LRFN5: variants seen among roughly 807,000 people sequenced by gnomAD.
LRFN5 encodes leucine-rich repeat and fibronectin type-III domain-containing protein 5.
Under a neutral mutation model 45.6 loss-of-function variants are expected in LRFN5, and 24 were observed. That is an observed-to-expected ratio of 0.53 (90% CI 0.38 to 0.74). LRFN5 has a LOEUF of 0.74. Ranked by LOEUF, LRFN5 falls within the 30% of genes least tolerant of loss-of-function variation. The pLI, the probability that LRFN5 is intolerant of heterozygous loss-of-function variation, is 0.00. For synonymous variants in LRFN5, 340 were observed against 313.8 expected, an observed-to-expected ratio of 1.08 and a Z score of -0.88; for missense variants, 776 against 861.5, an observed-to-expected ratio of 0.90 and a Z score of 1.24.
At chr14:41,797,530 T>A (rs1447613091) in intron 2 of LRFN5, among the ~76,000 whole-genome samples, 2 of 151,674 alleles carry the variant, frequency 1.3e-5, no homozygotes, top group African/African-American at 2.4e-5. Context: ...TCTGTCCTTA[T>A]TCTTTTTCTT....
At chr14:41,759,437 TTC>T (rs142007567) in intron 1 of LRFN5, among the ~76,000 whole-genome samples, 51 of 145,810 alleles carry the variant, frequency 3.5e-4, no homozygotes, top group African/African-American at 1.2e-3. Flanking sequence ...ATAAAGTATA[TTC>T]TCTCTCTCTA....
chr14:41,675,032 T>A, intron 1 of LRFN5, among the ~76,000 whole-genome samples: 1 of 151,300 alleles, frequency 6.6e-6, no homozygotes, highest in Non-Finnish European at 1.5e-5. Context: ...GCTCCTCACT[T>A]CCTAGATGGG....
At chr14:41,671,369 T>C (rs1881202932) in intron 1 of LRFN5, among the ~76,000 whole-genome samples, 1 of 152,220 alleles carries the variant, frequency 6.6e-6, no homozygotes, top group East Asian at 1.9e-4. Flanking sequence ...TTTTACCCCA[T>C]TCCTAACAAT....
chr14:41,732,541 A>G (rs1346428292), intron 1 of LRFN5, among the ~76,000 whole-genome samples: 2 of 152,190 alleles, frequency 1.3e-5, no homozygotes, highest in African/African-American at 2.4e-5. Context: ...TTAAGTTTAC[A>G]TTTCAGGCGA....
intron 2 of LRFN5, among the ~76,000 whole-genome samples, chr14:41,811,359 G>A (rs780910143): frequency 1.3e-5 from 2 of 151,900 alleles, no homozygotes; most frequent in Admixed American, 6.6e-5. Context: ...GATAACAGTT[G>A]GTAGTTTCCC....
chr14:41,893,812 T>C, intron 4 of LRFN5: 4 of 985,378 alleles, frequency 4.1e-6, no homozygotes, highest in Non-Finnish European at 4.8e-6. Flanking sequence ...TTCTCTGCCC[T>C]GATTCTCTTT....
chr14:41,656,763 G>A lies in LRFN5; in HGVS notation c.-197+48201G>A, dbSNP rs117904515. Among the ~76,000 whole-genome samples the A allele has an allele frequency of 6.8e-3, 1,028 of 151,586 alleles. 8 individuals are homozygous for A. The highest frequency in any genetic ancestry group is 0.011 in the Non-Finnish European group (724 of 67,758). ...TTATAGGGGAGGAAGAGCGTTGATC[G>A]CTTATGTAAAGCTTGAGAAGACTGA... On this transcript the variant is annotated intron_variant, in intron 1 of 5. Transcript: ENST00000298119.
At chr14:41,673,993 C>T (rs561141174) in intron 1 of LRFN5, among the ~76,000 whole-genome samples, 5 of 141,378 alleles carry the variant, frequency 3.5e-5, no homozygotes, top group East Asian at 4.6e-4. Flanking sequence ...CGGGCGGAGA[C>T]GCTGCTCACT....
chr14:41,787,511 CT>C (rs144086718), intron 2 of LRFN5, among the ~76,000 whole-genome samples: 9 of 148,740 alleles, frequency 6.1e-5, no homozygotes, highest in African/African-American at 1.2e-4. Flanking sequence ...CTTTTTTTGT[CT>C]TTTTTTTTTC....
intron 2 of LRFN5, among the ~76,000 whole-genome samples, chr14:41,849,799 C>G (rs1364948033): frequency 2.6e-5 from 4 of 151,914 alleles, no homozygotes; most frequent in Non-Finnish European, 5.9e-5. Flanking sequence ...ATCCTCCCCT[C>G]TGAAATTCTA....
rs1050177225 is a variant in LRFN5, at chr14:41,678,508, A to C, written c.-197+69946A>C. On this transcript the variant is annotated intron_variant, in intron 1 of 5. Transcript: ENST00000298119. ...ATAACAATAAAAGATCAACAAAGGAATAAAGACTTGAATGATATCATTTGC... is the reference window on the plus strand; with the variant it reads ...ATAACAATAAAAGATCAACAAAGGACTAAAGACTTGAATGATATCATTTGC... Among the ~76,000 whole-genome samples, 3 of 152,188 alleles carry C rather than the reference A, an allele frequency of 2.0e-5. No homozygotes were observed. The South Asian group carries it at 6.2e-4, about 31-fold the overall frequency.
At chr14:41,703,742 A>G (rs2138729856) in intron 1 of LRFN5, among the ~76,000 whole-genome samples, 1 of 152,274 alleles carries the variant, frequency 6.6e-6, no homozygotes, top group South Asian at 2.1e-4. Context: ...GAAAATCAGC[A>G]CATTTGCCTT....
chr14:41,671,909 C>A (rs896134119), intron 1 of LRFN5, among the ~76,000 whole-genome samples: 2 of 152,116 alleles, frequency 1.3e-5, no homozygotes, highest in African/African-American at 4.8e-5. Flanking sequence ...TGAGCCACTG[C>A]GCCCAGCCAT....
chr14:41,896,673 T>G (rs1222575876), intron 4 of LRFN5, among the ~76,000 whole-genome samples: 2 of 152,224 alleles, frequency 1.3e-5, no homozygotes, highest in African/African-American at 4.8e-5. Flanking sequence ...CTTCCCATGC[T>G]AGATAAATAT....
intron 2 of LRFN5, among the ~76,000 whole-genome samples, chr14:41,881,301 A>C (rs1890370677): frequency 6.6e-6 from 1 of 151,916 alleles, no homozygotes; most frequent in Non-Finnish European, 1.5e-5. Context: ...TACTTTTATT[A>C]GATATAAAAT....
chr14:41,760,182 A>G (rs1305345163), intron 1 of LRFN5, among the ~76,000 whole-genome samples: 11 of 152,216 alleles, frequency 7.2e-5, no homozygotes. Flanking sequence ...AGTTCAGTTA[A>G]CATGATACAT....
chr14:41,877,654 G>A (rs990858756), intron 2 of LRFN5, among the ~76,000 whole-genome samples: 1 of 151,880 alleles, frequency 6.6e-6, no homozygotes, highest in South Asian at 2.1e-4. Context: ...ACACGCACAT[G>A]TTGAGAACAA....
chr14:41,749,587 G>A (rs112408824), intron 1 of LRFN5, among the ~76,000 whole-genome samples: 1,571 of 152,176 alleles, frequency 0.01, 35 homozygotes, highest in African/African-American at 0.035. Context: ...AATACTGCAC[G>A]CTCTCACTTA....
At chr14:41,682,132 C>G (rs1382806874) in intron 1 of LRFN5, among the ~76,000 whole-genome samples, 2 of 151,916 alleles carry the variant, frequency 1.3e-5, no homozygotes. Context: ...CTACTCTTAT[C>G]ATAAGTAAAA....
Sources: allele counts gnomAD v4.1 joint callset (sites outside exome capture counted in the v4.1 genomes callset), GRCh38; gene constraint gnomAD v4.1.1; transcripts MANE v1.5; gene names NCBI Gene and HGNC (gene_info 2026-07-23, HGNC 2026-07-21).